Variants in HPX observed in about 807,000 individuals in gnomAD.
HPX encodes beta-1B-glycoprotein.
A neutral mutation model predicts 53.8 loss-of-function variants in HPX; 42 were observed. The observed-to-expected ratio is 0.78, with a 90% CI of 0.61 to 1.01. The LOEUF (loss-of-function observed/expected upper bound fraction) is 1.01. HPX is among the 50% of genes least tolerant of loss of function. The pLI is 0.00. For missense variants in HPX, 547 were observed against 594.3 expected, an observed-to-expected ratio of 0.92 and a Z score of 0.83; for synonymous variants, 229 against 221.1, an observed-to-expected ratio of 1.04 and a Z score of -0.32.
intron 9 of HPX, 34 bp downstream of exon 9, chr11:6,431,607 C>A (rs1158155954): frequency 2.5e-6 from 4 of 1,611,302 alleles, no homozygotes; most frequent in Non-Finnish European, 3.4e-6. Context: ...GGTAGCAGAA[C>A]AAGCTGCCCT....
In HPX at chr11:6,437,062, G is replaced by A. The variant is rs530219127; in HGVS notation, c.819C>T (p.Ala273=). Residue 273 remains alanine (A), a synonymous_variant, in exon 7 of 10, where the codon GCC becomes GCT. Transcript: ENST00000265983. ...LSALTSDNHG[A]TYAFSGTHYW... ...ATCTCTCACCACTGAAGGCATAGGTGGCACCATGGTTGTCAGACGTCAGTG... is the reference window on the plus strand; with the variant it reads ...ATCTCTCACCACTGAAGGCATAGGTAGCACCATGGTTGTCAGACGTCAGTG... 3 of 1,614,142 alleles carry A rather than the reference G, an allele frequency of 1.9e-6. No homozygotes were observed. The highest frequency in any genetic ancestry group is 4.5e-5 in the East Asian group (2 of 44,884).
Position 6,437,162 on chromosome 11 carries a change from T to C in HPX, c.719A>G (p.Asn240Ser). The C allele has an allele frequency of 6.2e-7, 1 of 1,613,870 alleles. No homozygotes were observed. ...GGTACTGTTCCCATGGCCAGTCCCA[T>C]TCCTGTGTCCATGGCCTGGAGAGAG... ...PCPGRGHGHR[N>S]GTGHGNSTHH... The change falls in exon 7 of 10, where the codon AAT becomes AGT. Residue 240 changes from asparagine (N) to serine (S), a missense_variant. Asn to Ser is a conservative substitution (Grantham distance 46, BLOSUM62 1). Coordinates refer to ENST00000265983, the MANE Select transcript of HPX (RefSeq NM_000613.3).
rs1849425995 is a variant in HPX, at chr11:6,437,077, A to G, written c.804T>C (p.Ser268=). 9.9e-6 allele frequency: 16 copies of G among 1,614,192 alleles called. No homozygotes were observed. Among genetic ancestry groups the G allele is most frequent in the Non-Finnish European group, 1.4e-5 (16 of 1,180,020 alleles). Residue 268 remains serine (S), a synonymous_variant, in exon 7 of 10, where the codon TCT becomes TCC. Coordinates refer to ENST00000265983, the MANE Select transcript of HPX (RefSeq NM_000613.3). Reference sequence around the variant, plus strand: ...AGGCATAGGTGGCACCATGGTTGTCAGACGTCAGTGCAGACAAGACTAGAT... The same window carrying G: ...AGGCATAGGTGGCACCATGGTTGTCGGACGTCAGTGCAGACAAGACTAGAT... ...SPHLVLSALT[S]DNHGATYAFS...
In HPX at chr11:6,438,363, G is replaced by T. The variant is rs769389060; in HGVS notation, c.483C>A (p.Phe161Leu). Residue 161 changes from phenylalanine to leucine, a missense_variant, in exon 5 of 10, where the codon TTC becomes TTA. Physicochemically the swap from Phe to Leu is conservative, Grantham distance 22. Coordinates refer to ENST00000265983, the MANE Select transcript of HPX (RefSeq NM_000613.3). Reference protein sequence around the residue: ...RGECQAEGVLFFQGDREWFWD... With the variant: ...RGECQAEGVLLFQGDREWFWD... Reference sequence around the variant, plus strand: ...ATTCCAGCCTGGACTGACCTTGGAAGAAGAGGACGCCTTCAGCTTGACATT... The same window carrying T: ...ATTCCAGCCTGGACTGACCTTGGAATAAGAGGACGCCTTCAGCTTGACATT... The T allele has an allele frequency of 6.2e-7, 1 of 1,614,164 alleles. No homozygotes were observed. The highest frequency in any genetic ancestry group is 8.5e-7 in the Non-Finnish European group (1 of 1,180,022).
intron 2 of HPX, 23 bp downstream of exon 2, chr11:6,440,649 G>T (rs1298553389): frequency 1.9e-6 from 3 of 1,590,954 alleles, no homozygotes; most frequent in Non-Finnish European, 2.6e-6. Context: ...AGATAAGACA[G>T]ACTTAGGGAG....
chr11:6,434,426 C>T (rs1356158447), intron 7 of HPX, among the ~76,000 whole-genome samples: 5 of 152,192 alleles, frequency 3.3e-5, no homozygotes, highest in African/African-American at 1.2e-4. Flanking sequence ...GCCTCCCACA[C>T]TCGAGCAATC....
At position 6,431,079 on chromosome 11, in the gene HPX, T is replaced by C. The variant is rs752973399; in HGVS notation, c.*132A>G. ...GTGAAGAAGCAATCTGTCTTTATTA[T>C]GAGAAACTGGGGAGGTGGGGCCAGG... On this transcript the variant is annotated 3_prime_UTR_variant, in exon 10 of 10. Transcript: ENST00000265983. The C allele has an allele frequency of 4.2e-6, 5 of 1,197,158 alleles. No homozygotes were observed. In the Admixed American group the frequency reaches 1.1e-4, roughly 25 times the overall value. 74.2% of individuals were successfully genotyped at this position (1,197,158 alleles called of 1,614,324 possible).
intron 7 of HPX, 66 bp downstream of exon 7, chr11:6,436,980 C>A: frequency 6.4e-7 from 1 of 1,557,076 alleles, no homozygotes; most frequent in South Asian, 1.2e-5. Flanking sequence ...AGAAATGTGT[C>A]AAGGATGGGA....
chr11:6,437,296 G>T, intron 6 of HPX, 119 bp from the exon 7 acceptor site: 1 of 1,396,316 alleles, frequency 7.2e-7, no homozygotes, highest in Non-Finnish European at 9.9e-7. Context: ...AGGGCAATGG[G>T]AAAATCCAGA....
rs560060172 is a variant in HPX at position 6,433,279 on chromosome 11, C to T, written c.836-1262G>A. Reference sequence around the variant, plus strand: ...GCAACATTCACCTCCCAGGTTCAAGCGATTCTCCTGCCTCAGCCTCCCAAG... The same window carrying T: ...GCAACATTCACCTCCCAGGTTCAAGTGATTCTCCTGCCTCAGCCTCCCAAG... On this transcript the variant is annotated intron_variant, in intron 7 of 9. Coordinates refer to ENST00000265983, the MANE Select transcript of HPX (RefSeq NM_000613.3). Among the ~76,000 whole-genome samples, 207 of 152,308 alleles carry T rather than the reference C, an allele frequency of 1.4e-3. 1 individual carries two copies. Among genetic ancestry groups the T allele is most frequent in the African/African-American group, 4.7e-3 (194 of 41,582 alleles).
At position 6,437,495 on chromosome 11, in the gene HPX, C is replaced by T; in HGVS notation, c.648G>A (p.Val216=). 1.2e-6 allele frequency: 2 copies of T among 1,614,172 alleles called. No individual in the cohort carries two copies. The highest frequency in any genetic ancestry group is 2.2e-5 in the South Asian group (2 of 91,088). The change falls in exon 6 of 10, where the codon GTG becomes GTA. Residue 216 remains valine (V), a synonymous_variant. Coordinates refer to ENST00000265983, the MANE Select transcript of HPX (RefSeq NM_000613.3). ...GGACATCCCGCGGGTACCTGGGAGG[C>T]ACCTCTCCCCTGACAGGGTCGAAGC... ...FLRFDPVRGE[V]PPRYPRDVRD... is the part of the protein sequence containing the mutation.
chr11:6,440,110 C>G, intron 4 of HPX, 55 bp downstream of exon 4: 1 of 1,611,752 alleles, frequency 6.2e-7, no homozygotes, highest in Non-Finnish European at 8.5e-7. Flanking sequence ...GGGAAGGGTC[C>G]CCAGTGTCGA....
intron 1 of HPX, 33 bp downstream of exon 1, chr11:6,440,848 C>T: frequency 6.2e-7 from 1 of 1,608,252 alleles, no homozygotes; most frequent in Non-Finnish European, 8.5e-7. Flanking sequence ...GCCCAGAACT[C>T]AATCCTTCGC....
chr11:6,439,870 A>T (rs1172525779), intron 4 of HPX: 1 of 420,348 alleles, frequency 2.4e-6, no homozygotes. Flanking sequence ...ATACAGGGTC[A>T]TGGAAGGCAA....
At chr11:6,436,998 G>C (rs1215215274) in intron 7 of HPX, 48 bp downstream of exon 7, 55 of 1,599,440 alleles carry the variant, frequency 3.4e-5, no homozygotes, top group Non-Finnish European at 4.7e-5. Flanking sequence ...GGAGATACAA[G>C]TAAAAGAGAT....
rs1014203420 is a variant in HPX, at chr11:6,440,072, C to T, written c.336+93G>A. 5.9e-6 allele frequency: 9 copies of T among 1,513,130 alleles called. No individual in the cohort carries two copies. In the African/African-American group the frequency reaches 8.2e-5, roughly 14 times the overall value. The allele number at this position is 1,513,130 out of a possible 1,614,324, so 93.7% of individuals were successfully genotyped here. On this transcript the variant is annotated intron_variant, in intron 4 of 9. Coordinates refer to ENST00000265983, the MANE Select transcript of HPX (RefSeq NM_000613.3). ...TGGGAAAGAAATCTGCTACCTATTG[C>T]TATGGGCTCCATGCCAAGGCCATTT...
At position 6,438,599 on chromosome 11, in the gene HPX, C is replaced by A. The variant is rs570273288; in HGVS notation, c.337-90G>T. The stretch of plus-strand genomic sequence containing the variant: ...ACATTTTTTATCTACTGTGCTTATA[C>A]GATATCCTCCTGTGGCCCTACACAT... On this transcript the variant is annotated intron_variant, in intron 4 of 9. Transcript: ENST00000265983. 4.2e-6 allele frequency: 5 copies of A among 1,181,144 alleles called. No individual in the cohort carries two copies. The African/African-American group carries it at 6.0e-5, about 14-fold the overall frequency. The allele number at this position is 1,181,144 out of a possible 1,614,324, so 73.2% of individuals were successfully genotyped here.
rs1252098765 is a variant in HPX at position 6,431,392 on chromosome 11, A to G, written c.1208T>C (p.Val403Ala). Residue 403 changes from valine (V) to alanine (A), a missense_variant, in exon 10 of 10, where the codon GTA becomes GCA. Coordinates refer to ENST00000265983, the MANE Select transcript of HPX (RefSeq NM_000613.3). ...CTTTTCCATACACAAGGCTCCGTCT[A>G]CCTTCTCATGGGGCCAAGGAAGCTC... ...WTELPWPHEK[V>A]DGALCMEKSL... 1 of 1,614,216 alleles carries G rather than the reference A, an allele frequency of 6.2e-7. No homozygotes were observed. Among genetic ancestry groups the G allele is most frequent in the Non-Finnish European group, 8.5e-7 (1 of 1,180,042 alleles).
intron 7 of HPX, among the ~76,000 whole-genome samples, chr11:6,433,489 T>C (rs1391271876): frequency 6.6e-6 from 1 of 152,212 alleles, no homozygotes; most frequent in African/African-American, 2.4e-5. Flanking sequence ...TCTTAGCTAT[T>C]AGTTAATGCT....
Sources: gnomAD v4.1 joint callset for allele counts (sites outside exome capture counted in the v4.1 genomes callset) on GRCh38, gnomAD v4.1.1 for gene constraint, MANE v1.5 for transcripts, NCBI Gene and HGNC (gene_info 2026-07-23, HGNC 2026-07-21) for gene names.